Variants in LRRD1 observed in about 807,000 individuals in gnomAD.
LRRD1 encodes the protein leucine rich repeats and death domain containing 1.
In LRRD1, 49 loss-of-function variants were observed where a neutral mutation model predicts 69.5. That is an observed-to-expected ratio of 0.70 (90% CI 0.56 to 0.89). The LOEUF is 0.89. LRRD1 is among the 40% of genes least tolerant of loss of function. The pLI is 0.00. For missense variants in LRRD1, 853 were observed against 956.0 expected, an observed-to-expected ratio of 0.89 and a Z score of 1.42; for synonymous variants, 303 against 338.9, an observed-to-expected ratio of 0.89 and a Z score of 1.16.
At chr7:92,142,759 G>C, downstream of LRRD1, 1 of 442,218 alleles carries the variant, frequency 2.3e-6, no homozygotes. Context: ...TCTTAAGGCG[G>C]CGCGTCTGGA....
chr7:92,161,515 T>G (rs1481969327), intron 2 of LRRD1, among the ~76,000 whole-genome samples: 1 of 152,170 alleles, frequency 6.6e-6, no homozygotes. Flanking sequence ...TAAGGCTTGC[T>G]AAAAGGGAGG....
chr7:92,168,704 A>T (rs1461669490), intron 1 of LRRD1, among the ~76,000 whole-genome samples: 1 of 152,176 alleles, frequency 6.6e-6, no homozygotes, highest in East Asian at 1.9e-4. Flanking sequence ...AATTACAAAG[A>T]ATCTGTAAGC....
Position 92,159,026 on chromosome 7 carries a change from G to A in LRRD1, c.2095C>T (p.Leu699=). 6.5e-7 allele frequency: 1 copy of A among 1,545,382 alleles called. No homozygotes were observed. The change falls in exon 3 of 6, where the codon CTG becomes TTG. Residue 699 remains leucine, a synonymous_variant. Coordinates refer to ENST00000458448, the MANE Select transcript of LRRD1 (RefSeq NM_001161528.2). ...TCACCACTCAGGTTTAGTTGCTGCAGATCATTTAAAGATAGCAAAGATGGT... is the reference window on the plus strand; with the variant it reads ...TCACCACTCAGGTTTAGTTGCTGCAAATCATTTAAAGATAGCAAAGATGGT... The part of the protein sequence containing the change: ...LPPSLLSLND[L]QQLNLSGNNL...
chr7:92,150,695 C>T lies in LRRD1; in HGVS notation c.2117G>A (p.Gly706Glu), dbSNP rs1315371208. ...ACTAGGTAGAGCTGTCAGATTATTT[C>T]CTAGTAGAAAAAAATTAGAATTGAA... ...LNDLQQLNLS[G>E]NNLTALPSAI... The change falls in exon 4 of 6, where the codon GGA (glycine) becomes GAA (glutamate). Residue 706 changes from glycine to glutamate, a missense_variant and splice_region_variant. This residue lies in a region of LRRD1 where 739 missense variants were observed against 808.0 expected (regional missense o/e 0.91). Transcript: ENST00000458448. 6.6e-7 allele frequency: 1 copy of T among 1,520,286 alleles called. No individual in the cohort carries two copies. 94.2% of individuals were successfully genotyped at this position (1,520,286 alleles called of 1,614,324 possible).
intron 1 of LRRD1, among the ~76,000 whole-genome samples, chr7:92,174,528 T>A (rs1789149069): frequency 2.0e-5 from 2 of 99,398 alleles, no homozygotes; most frequent in Non-Finnish European, 4.1e-5. Context: ...TTTTTTTTTT[T>A]TTTTTTTTTG....
chr7:92,178,589 G>A (rs2131032774), intron 1 of LRRD1, among the ~76,000 whole-genome samples: 1 of 151,770 alleles, frequency 6.6e-6, no homozygotes, highest in East Asian at 1.9e-4. Context: ...AGAATTACTT[G>A]AACCCAGGAG....
In LRRD1 at chr7:92,164,197, T is replaced by A. The variant is rs1224839081; in HGVS notation, c.1006A>T (p.Asn336Tyr). 3 of 1,549,636 alleles carry A rather than the reference T, an allele frequency of 1.9e-6. No homozygotes were observed. Among genetic ancestry groups the A allele is most frequent in the Non-Finnish European group, 2.6e-6 (3 of 1,146,398 alleles). The change falls in exon 2 of 6, where the codon AAT becomes TAT. Residue 336 changes from asparagine to tyrosine, a missense_variant. Coordinates refer to ENST00000458448, the MANE Select transcript of LRRD1 (RefSeq NM_001161528.2). Reference sequence around the variant, plus strand: ...TCTACAGCCAGAAAGGTAAGCTTATTGTGATCCATTAAAAGTGTTTCTAAA... The same window carrying A: ...TCTACAGCCAGAAAGGTAAGCTTATAGTGATCCATTAAAAGTGTTTCTAAA... ...KNLETLLMDHNKLTFLAVEIF... is the reference protein window; with the variant it reads ...KNLETLLMDHYKLTFLAVEIF...
chr7:92,146,421 C>A (rs911016249), intron 4 of LRRD1, among the ~76,000 whole-genome samples: 1 of 151,466 alleles, frequency 6.6e-6, no homozygotes, highest in Non-Finnish European at 1.5e-5. Context: ...AGTTCAAGAC[C>A]AGCCTGGCCA....
Position 92,163,537 on chromosome 7 carries a change from T to G in LRRD1, c.1666A>C (p.Ile556Leu). Residue 556 changes from isoleucine (I) to leucine (L), a missense_variant, in exon 2 of 6, where the codon ATA becomes CTA. Physicochemically the swap from Ile to Leu is conservative, Grantham distance 5. This residue lies in a region of LRRD1 where 739 missense variants were observed against 808.0 expected (regional missense o/e 0.91). Transcript: ENST00000458448. Reference protein sequence around the residue: ...KKIPASISNMISLHVLILCCN... With the variant: ...KKIPASISNMLSLHVLILCCN... Reference sequence around the variant, plus strand: ...CATAAAATAAGTACGTGGAGTGATATCATATTAGAAATTGATGCTGGAATT... The same window carrying G: ...CATAAAATAAGTACGTGGAGTGATAGCATATTAGAAATTGATGCTGGAATT... 2.0e-6 allele frequency: 3 copies of G among 1,528,618 alleles called. No individual in the cohort carries two copies. The highest frequency in any genetic ancestry group is 2.6e-6 in the Non-Finnish European group (3 of 1,139,318). 94.7% of individuals were successfully genotyped at this position (1,528,618 alleles called of 1,614,324 possible).
chr7:92,165,175 C>T lies in LRRD1; in HGVS notation c.28G>A (p.Val10Met), dbSNP rs762371895. The T allele has an allele frequency of 1.5e-5, 23 of 1,516,410 alleles. No individual in the cohort carries two copies. The highest frequency in any genetic ancestry group is 2.0e-5 in the Non-Finnish European group (23 of 1,128,268). 93.9% of individuals were successfully genotyped at this position (1,516,410 alleles called of 1,614,324 possible). Residue 10 changes from valine to methionine, a missense_variant, in exon 2 of 6, where the codon GTG becomes ATG. Coordinates refer to ENST00000458448, the MANE Select transcript of LRRD1 (RefSeq NM_001161528.2). MSEKEGMSE[V>M]LEDTISQFRK... is the part of the protein sequence containing the mutation. ...AATTGACTAATAGTATCCTCTAGCACTTCTGACATACCCTCCTTTTCAGAC... is the reference window on the plus strand; with the variant it reads ...AATTGACTAATAGTATCCTCTAGCATTTCTGACATACCCTCCTTTTCAGAC...
At chr7:92,150,450 G>A in intron 4 of LRRD1, 84 bp downstream of exon 4, 1 of 1,224,986 alleles carries the variant, frequency 8.2e-7, no homozygotes. Flanking sequence ...GGGTGTCAGA[G>A]TGAGACCCTG....
Position 92,164,472 on chromosome 7 carries a change from T to C in LRRD1, c.731A>G (p.Asn244Ser), listed in dbSNP as rs1327673921. Residue 244 changes from asparagine (N) to serine (S), a missense_variant, in exon 2 of 6, where the codon AAT (asparagine) becomes AGT (serine). Asn to Ser is a conservative substitution (Grantham distance 46, BLOSUM62 1). Transcript: ENST00000458448. ...GNIRQLFFYN[N>S]YIENFPSDLE... The stretch of plus-strand genomic sequence containing the variant: ...GTCAGAAGGAAAATTTTCAATGTAA[T>C]TGTTATAAAAAAAGAGTTGTCTGAT... 9 of 1,549,996 alleles carry C rather than the reference T, an allele frequency of 5.8e-6. No individual in the cohort carries two copies. The highest frequency in any genetic ancestry group is 7.9e-6 in the Non-Finnish European group (9 of 1,146,276).
At chr7:92,171,394 C>T (rs1234400413) in intron 1 of LRRD1, among the ~76,000 whole-genome samples, 2 of 151,964 alleles carry the variant, frequency 1.3e-5, no homozygotes, top group Non-Finnish European at 2.9e-5. Context: ...CTATTAAGAA[C>T]AACAATACAT....
At chr7:92,148,001 C>T (rs1315101239) in intron 4 of LRRD1, among the ~76,000 whole-genome samples, 5 of 152,166 alleles carry the variant, frequency 3.3e-5, no homozygotes, top group Admixed American at 1.3e-4. Flanking sequence ...ACTACAATCT[C>T]CGCCTCCTGA....
intron 4 of LRRD1, among the ~76,000 whole-genome samples, chr7:92,149,699 TTTTA>T (rs200080358): frequency 8.6e-5 from 13 of 151,608 alleles, no homozygotes; most frequent in Admixed American, 7.9e-4. Context: ...GCCGAATGTA[TTTTA>T]TTTATTTATT....
rs1214475446 is a variant in LRRD1 at position 92,151,525 on chromosome 7, A to AT, written c.2117-831dup. Reference sequence around the variant, plus strand: ...TAGCATTCTCCAAGATAATGTTATAATTTTTTTCCTTTCCATACTCTATTC... The same window carrying AT: ...TAGCATTCTCCAAGATAATGTTATAATTTTTTTTCCTTTCCATACTCTATTC... On this transcript the variant is annotated intron_variant, in intron 3 of 5. Transcript: ENST00000458448. Among the ~76,000 whole-genome samples, 3 of 152,226 alleles carry AT rather than the reference A, an allele frequency of 2.0e-5. No individual in the cohort carries two copies. In the East Asian group the frequency reaches 5.8e-4, roughly 29 times the overall value.
At position 92,145,526 on chromosome 7, in the gene LRRD1, G is replaced by A. The variant is rs894952988; in HGVS notation, c.2397-452C>T. ...ACGATCTCAACTCACTGCAAGCTCC[G>A]CCTCCCGGGTTCACGCCATTCTCCT... On this transcript the variant is annotated intron_variant, in intron 5 of 5. Transcript: ENST00000458448. Among the ~76,000 whole-genome samples, 8 of 142,840 alleles carry A rather than the reference G, an allele frequency of 5.6e-5. No homozygotes were observed. The South Asian group carries it at 1.8e-3, about 32-fold the overall frequency. 93.7% of individuals were successfully genotyped at this position (142,840 alleles called of 152,430 possible).
intron 3 of LRRD1, among the ~76,000 whole-genome samples, chr7:92,155,199 T>C (rs1161707773): frequency 6.6e-6 from 1 of 152,144 alleles, no homozygotes; most frequent in South Asian, 2.1e-4. Context: ...TCTTGTGCTT[T>C]AGGGCCATTA....
At chr7:92,170,180 AAAG>A (rs1023246302) in intron 1 of LRRD1, among the ~76,000 whole-genome samples, 1 of 152,166 alleles carries the variant, frequency 6.6e-6, no homozygotes. Flanking sequence ...AAGGAAAAGA[AAAG>A]AAGAAAGTAC....
Sources: allele counts gnomAD v4.1 joint callset (sites outside exome capture counted in the v4.1 genomes callset), GRCh38; gene constraint gnomAD v4.1.1; regional missense constraint gnomAD v4.1.1; transcripts MANE v1.5; gene names NCBI Gene and HGNC (gene_info 2026-07-23, HGNC 2026-07-21).